The following RHCG variants were observed in gnomAD, a reference collection of about 807,000 sequenced individuals.
RHCG encodes Rh family C glycoprotein, also known as ammonium transporter Rh type C.
Under a neutral mutation model 55.3 loss-of-function variants are expected in RHCG, and 39 were observed. The ratio of observed to expected loss-of-function variants is 0.70; its 90% CI spans 0.55 to 0.92. The LOEUF (loss-of-function observed/expected upper bound fraction) is 0.92, where lower values mean the gene tolerates loss of function less well. Ranked by LOEUF, RHCG falls within the 40% of genes least tolerant of loss-of-function variation. The pLI is 0.00. For synonymous variants in RHCG, 250 were observed against 246.8 expected (o/e 1.01, Z -0.12); for missense variants, 635 against 627.9 (o/e 1.01, Z -0.12).
chr15:89,493,815 C>A (rs1300072479), intron 1 of RHCG, among the ~76,000 whole-genome samples: 2 of 152,182 alleles, frequency 1.3e-5, no homozygotes, highest in Non-Finnish European at 2.9e-5. Flanking sequence ...GCTGAGTGAC[C>A]TTTGCAAGAC....
chr15:89,493,374 C>T (rs10162871), intron 1 of RHCG, among the ~76,000 whole-genome samples: 2,611 of 152,328 alleles, frequency 0.017, 70 homozygotes, highest in African/African-American at 0.058. Flanking sequence ...CACGGGCCTC[C>T]GAGGGCACTG....
chr15:89,488,544 C>A (rs965978212), intron 1 of RHCG, among the ~76,000 whole-genome samples: 1 of 152,184 alleles, frequency 6.6e-6, no homozygotes, highest in Non-Finnish European at 1.5e-5. Flanking sequence ...AAGGACCTAT[C>A]CCCTAGGTGG....
chr15:89,495,738 GATGAGGAA>G (rs1302519369), intron 1 of RHCG, among the ~76,000 whole-genome samples: 1 of 152,234 alleles, frequency 6.6e-6, no homozygotes, highest in African/African-American at 2.4e-5. Context: ...TCATTCTGTA[GATGAGGAA>G]ATTGAGGTTT....
At chr15:89,491,636 G>A (rs988198766) in intron 1 of RHCG, among the ~76,000 whole-genome samples, 6 of 152,096 alleles carry the variant, frequency 3.9e-5, no homozygotes, top group Admixed American at 3.9e-4. Flanking sequence ...GCAAGGTAGT[G>A]CACGCCTTTA....
chr15:89,480,451 C>T (rs1375309625), intron 3 of RHCG, 43 bp from the exon 4 acceptor site: 1 of 1,591,014 alleles, frequency 6.3e-7, no homozygotes, highest in South Asian at 1.1e-5. Context: ...CCTTCTCTCC[C>T]TCCCTCCTCA....
chr15:89,494,534 C>T (rs182159722), intron 1 of RHCG, among the ~76,000 whole-genome samples: 24 of 151,858 alleles, frequency 1.6e-4, no homozygotes, highest in Admixed American at 1.0e-3. Flanking sequence ...AAGTGTGGTG[C>T]GAGGAGGATA....
rs557909752 is a variant in RHCG at position 89,471,671 on chromosome 15, G to C, written c.*209C>G. On this transcript the variant is annotated 3_prime_UTR_variant, in exon 11 of 11. Coordinates refer to ENST00000268122, the MANE Select transcript of RHCG (RefSeq NM_016321.3). The stretch of plus-strand genomic sequence containing the variant: ...GGCAGAACTTCTGCAGCCAGAACCC[G>C]GCTTGGATGCCCACTTTGTAGCTTC... 1 of 152,976 alleles carries C rather than the reference G, an allele frequency of 6.5e-6. No homozygotes were observed. The highest frequency in any genetic ancestry group is 1.5e-5 in the Non-Finnish European group (1 of 68,202). The allele number at this position is 152,976 out of a possible 1,614,324, so 9.5% of individuals were successfully genotyped here.
chr15:89,495,263 T>C (rs972733924), intron 1 of RHCG, among the ~76,000 whole-genome samples: 1 of 152,190 alleles, frequency 6.6e-6, no homozygotes, highest in African/African-American at 2.4e-5. Context: ...CAGTCTTTTT[T>C]CATGCAGGCT....
At chr15:89,484,065 G>A (rs78550103) in intron 2 of RHCG, among the ~76,000 whole-genome samples, 21,254 of 120,644 alleles carry the variant, frequency 0.18, 1,639 homozygotes, top group Admixed American at 0.24. Context: ...CTCTTAGGCC[G>A]GGAGAGTTGT....
At position 89,483,089 on chromosome 15, in the gene RHCG, A is replaced by C; in HGVS notation, c.500T>G (p.Phe167Cys). The change falls in exon 3 of 11, where the codon TTC becomes TGC. Residue 167 changes from phenylalanine to cysteine, a missense_variant. Physicochemically the swap from Phe to Cys is radical, Grantham distance 205. Coordinates refer to ENST00000268122, the MANE Select transcript of RHCG (RefSeq NM_016321.3). ...FQVTLFAVNEFILLNLLKVKD... is the reference protein window; with the variant it reads ...FQVTLFAVNECILLNLLKVKD... ...CACCTTTAGCAGGTTAAGGAGAATGAACTCATTCACAGCGAAGAGGGTCAC... is the reference window on the plus strand; with the variant it reads ...CACCTTTAGCAGGTTAAGGAGAATGCACTCATTCACAGCGAAGAGGGTCAC... 6.2e-7 allele frequency: 1 copy of C among 1,602,086 alleles called. No individual in the cohort carries two copies. Among genetic ancestry groups the C allele is most frequent in the Non-Finnish European group, 8.5e-7 (1 of 1,170,004 alleles).
chr15:89,472,939 G>A (rs1961068388), intron 9 of RHCG, 76 bp from the exon 10 acceptor site: 1 of 1,373,482 alleles, frequency 7.3e-7, no homozygotes, highest in Non-Finnish European at 9.5e-7. Flanking sequence ...AGAACCTGGA[G>A]CTGCAAATGG....
At chr15:89,474,964 G>GCCTTCCTT in intron 9 of RHCG, among the ~76,000 whole-genome samples, 1 of 97,942 alleles carries the variant, frequency 1.0e-5, no homozygotes, top group Admixed American at 1.0e-4. Flanking sequence ...ATTCCTGCCT[G>GCCTTCCTT]CCTGCCTTCA....
At position 89,486,915 on chromosome 15, in the gene RHCG, G is replaced by A; in HGVS notation, c.255C>T (p.Gly85=). The change falls in exon 2 of 11, where the codon GGC becomes GGT. Residue 85 remains glycine (G), a synonymous_variant. Transcript: ENST00000268122. ...GGAAGTTGAAGCCCACGGCGCTGAAGCCGTAGCGCTGCAGGAAAGTCATGA... is the reference window on the plus strand; with the variant it reads ...GGAAGTTGAAGCCCACGGCGCTGAAACCGTAGCGCTGCAGGAAAGTCATGA... ...GFLMTFLQRY[G]FSAVGFNFLL... The A allele has an allele frequency of 6.2e-7, 1 of 1,613,014 alleles. No homozygotes were observed. Among genetic ancestry groups the A allele is most frequent in the Non-Finnish European group, 8.5e-7 (1 of 1,179,202 alleles).
intron 9 of RHCG, among the ~76,000 whole-genome samples, chr15:89,473,665 TTG>T (rs1961081150): frequency 6.6e-6 from 1 of 152,046 alleles, no homozygotes; most frequent in South Asian, 2.1e-4. Flanking sequence ...AGCATTTACA[TTG>T]TGTTAGGTAT....
intron 1 of RHCG, among the ~76,000 whole-genome samples, chr15:89,494,417 C>T (rs991279166): frequency 2.0e-5 from 3 of 152,280 alleles, no homozygotes; most frequent in South Asian, 4.1e-4. Context: ...CCAGCACCAC[C>T]TTCACTCTCA....
In RHCG at chr15:89,496,463, C is replaced by T; in HGVS notation, c.82G>A (p.Val28Met). Residue 28 changes from valine (V) to methionine (M), a missense_variant, in exon 1 of 11, where the codon GTG (valine) becomes ATG (methionine). By Grantham distance (21) the Val-to-Met change is conservative. Transcript: ENST00000268122. The stretch of plus-strand genomic sequence containing the variant: ...GCCTCGAAGTCGTAGCGCACGAACA[C>T]CCCGAAGAGAATCACCATAATCACC... ...LQVIMVILFG[V>M]FVRYDFEADA... 6.2e-7 allele frequency: 1 copy of T among 1,614,036 alleles called. No homozygotes were observed. Among genetic ancestry groups the T allele is most frequent in the Non-Finnish European group, 8.5e-7 (1 of 1,179,966 alleles).
chr15:89,486,564 CAGAGAGAG>C (rs59120813), intron 2 of RHCG: 461 of 267,926 alleles, frequency 1.7e-3, no homozygotes, highest in Middle Eastern at 2.1e-3. Context: ...GAGAGAGAGA[CAGAGAGAG>C]AGAGAGAGAG....
intron 1 of RHCG, among the ~76,000 whole-genome samples, chr15:89,496,157 G>GT (rs766858741): frequency 2.0e-5 from 3 of 152,176 alleles, no homozygotes; most frequent in Non-Finnish European, 4.4e-5. Context: ...TCATCCCGGT[G>GT]TTTTCCCTAC....
Position 89,480,369 on chromosome 15 carries a change from C to G in RHCG, c.562G>C (p.Gly188Arg). Residue 188 changes from glycine (G) to arginine (R), a missense_variant, in exon 4 of 11, where the codon GGC (glycine) becomes CGC (arginine). Coordinates refer to ENST00000268122, the MANE Select transcript of RHCG (RefSeq NM_016321.3). ...GTCACTGTGAGCCCAAAGTAGGCGCCAAATGTGTGGATGGTCATGGAGCCT... is the reference window on the plus strand; with the variant it reads ...GTCACTGTGAGCCCAAAGTAGGCGCGAAATGTGTGGATGGTCATGGAGCCT... ...AGGSMTIHTF[G>R]AYFGLTVTRI... 6.2e-7 allele frequency: 1 copy of G among 1,614,154 alleles called. No individual in the cohort carries two copies. The highest frequency in any genetic ancestry group is 8.5e-7 in the Non-Finnish European group (1 of 1,180,020).
Sources: allele counts gnomAD v4.1 joint callset (sites outside exome capture counted in the v4.1 genomes callset), GRCh38; gene constraint gnomAD v4.1.1; transcripts MANE v1.5; gene names NCBI Gene and HGNC (gene_info 2026-07-23, HGNC 2026-07-21).